The following LGSN variants were observed in gnomAD, a reference collection of about 807,000 sequenced individuals.
LGSN encodes lengsin.
In LGSN, 21 loss-of-function variants were observed where a neutral mutation model predicts 19.5. The ratio of observed to expected loss-of-function variants is 1.07; its 90% CI spans 0.76 to 1.55. LGSN has a LOEUF of 1.55. LGSN is among the 40% of genes most tolerant of loss of function. The pLI is 0.00. For missense variants in LGSN, 673 were observed against 608.5 expected, an observed-to-expected ratio of 1.11 and a Z score of -1.12; for synonymous variants, 257 against 215.6, an observed-to-expected ratio of 1.19 and a Z score of -1.68.
At chr6:63,283,860 C>T (rs1313837042) in intron 3 of LGSN, among the ~76,000 whole-genome samples, 2 of 151,914 alleles carry the variant, frequency 1.3e-5, no homozygotes, top group Non-Finnish European at 2.9e-5. Context: ...CCACCAGGCC[C>T]AGCTAATTTT....
the LGSN span, among the ~76,000 whole-genome samples, chr6:63,432,479 CAGG>C: frequency 1.1e-4 from 16 of 151,838 alleles, no homozygotes; most frequent in African/African-American, 3.9e-4. Context: ...ATCACCAGAT[CAGG>C]AGATCGAGAC....
the LGSN span, among the ~76,000 whole-genome samples, chr6:63,338,282 A>G: frequency 6.6e-6 from 1 of 152,184 alleles, no homozygotes; most frequent in Non-Finnish European, 1.5e-5. Flanking sequence ...GCACTCTAAC[A>G]TCACCACGAT....
chr6:63,499,901 T>C, the LGSN span, among the ~76,000 whole-genome samples: 1 of 151,236 alleles, frequency 6.6e-6, no homozygotes, highest in Non-Finnish European at 1.5e-5. Flanking sequence ...CAGAGACTCA[T>C]GCAACCATAT....
At chr6:63,513,340 G>A in the LGSN span, among the ~76,000 whole-genome samples, 20 of 152,148 alleles carry the variant, frequency 1.3e-4, no homozygotes, top group African/African-American at 4.8e-4. Context: ...CTTCTCAAAA[G>A]CAAAGGAGTC....
the LGSN span, among the ~76,000 whole-genome samples, chr6:63,559,454 ATG>A: frequency 6.6e-6 from 1 of 152,192 alleles, no homozygotes; most frequent in African/African-American, 2.4e-5. Context: ...GGTTTAAAAA[ATG>A]AATTTCACGG....
chr6:63,553,466 A>G, the LGSN span, among the ~76,000 whole-genome samples: 3 of 152,204 alleles, frequency 2.0e-5, no homozygotes, highest in Admixed American at 6.5e-5. Flanking sequence ...TGGGTGGCCT[A>G]AAAATAAGTT....
At position 63,279,824 on chromosome 6, in the gene LGSN, G is replaced by A; in HGVS notation, c.*197C>T. The A allele has an allele frequency of 4.0e-6, 2 of 502,112 alleles. No homozygotes were observed. The highest frequency in any genetic ancestry group is 7.0e-6 in the Non-Finnish European group (2 of 285,054). 31.1% of individuals were successfully genotyped at this position (502,112 alleles called of 1,614,324 possible). A position where few individuals can be genotyped will look rare whatever the true frequency, so the allele number is the denominator to read the frequency against. ...ATTATAGCTTCACCACAACTTTGTT[G>A]TTTGTTTCTGTTATCAGAATCTTCT... On this transcript the variant is annotated 3_prime_UTR_variant, in exon 4 of 4. Coordinates refer to ENST00000370657, the MANE Select transcript of LGSN (RefSeq NM_016571.3).
chr6:63,352,669 T>TCA, the LGSN span, among the ~76,000 whole-genome samples: 1 of 150,566 alleles, frequency 6.6e-6, no homozygotes, highest in Admixed American at 6.6e-5. Flanking sequence ...TCTCTCTCTC[T>TCA]CACACACACA....
the LGSN span, among the ~76,000 whole-genome samples, chr6:63,367,619 C>A: frequency 6.9e-6 from 1 of 145,658 alleles, no homozygotes. Context: ...ATAAATCATG[C>A]TGCTATAAAG....
chr6:63,412,729 A>C, the LGSN span, among the ~76,000 whole-genome samples: 13 of 44,354 alleles, frequency 2.9e-4, no homozygotes, highest in African/African-American at 1.9e-3. Context: ...GAAAGAAAGA[A>C]AGAAAGAAAG....
chr6:63,320,140 T>C (rs939658666), upstream of LGSN, among the ~76,000 whole-genome samples: 1 of 152,140 alleles, frequency 6.6e-6, no homozygotes, highest in African/African-American at 2.4e-5. Flanking sequence ...ATGCTGGAAA[T>C]GCACTAGAAG....
At chr6:63,344,528 A>T in the LGSN span, among the ~76,000 whole-genome samples, 1 of 152,200 alleles carries the variant, frequency 6.6e-6, no homozygotes, top group Non-Finnish European at 1.5e-5. Context: ...CTTATAGAAG[A>T]AGTGAAAAGA....
At chr6:63,561,798 A>G in the LGSN span, among the ~76,000 whole-genome samples, 2 of 152,222 alleles carry the variant, frequency 1.3e-5, no homozygotes, top group African/African-American at 2.4e-5. Context: ...TTGAAAGTAA[A>G]TTATAATCAG....
chr6:63,440,645 G>C, the LGSN span: 1 of 152,216 alleles, frequency 6.6e-6, no homozygotes, highest in Non-Finnish European at 1.5e-5. Flanking sequence ...CACCAGAGGC[G>C]ACAGAGGGCT....
rs1306637122 is a variant in LGSN at position 63,281,069 on chromosome 6, C to T, written c.482G>A (p.Trp161Ter). ...TATCACTCTTGCAGTTCTGTCAGCC[C>T]ATGGCAAAACTCTAAAGGTTGATAA... ...PELSTFRVLP[W>*]ADRTARVICD... The change falls in exon 4 of 4, where the codon TGG (tryptophan) becomes TAG (stop). Residue 161 changes from tryptophan (W) to a stop codon, truncating the protein, a stop_gained. Coordinates refer to ENST00000370657, the MANE Select transcript of LGSN (RefSeq NM_016571.3). LOFTEE classifies it low-confidence loss of function (END_TRUNC). 6.2e-7 allele frequency: 1 copy of T among 1,613,754 alleles called. No individual in the cohort carries two copies. Among genetic ancestry groups the T allele is most frequent in the Admixed American group, 1.7e-5 (1 of 59,980 alleles).
chr6:63,451,964 T>C, the LGSN span, among the ~76,000 whole-genome samples: 5 of 152,036 alleles, frequency 3.3e-5, no homozygotes, highest in Non-Finnish European at 7.4e-5. Context: ...CTGTAATAGT[T>C]TGGATTCCAT....
Position 63,280,699 on chromosome 6 carries a change from G to A in LGSN, c.852C>T (p.Thr284=), listed in dbSNP as rs34924421. ...FGISSADNAF[T]LRTGVKEVAR... ...CCACTTCTTTGACACCTGTTCTGAG[G>A]GTAAATGCATTATCAGCTGAGCTAA... is the stretch of plus-strand genomic sequence containing the variant. The change falls in exon 4 of 4, where the codon ACC becomes ACT. Residue 284 remains threonine, a synonymous_variant. Transcript: ENST00000370657. 1.9e-4 allele frequency: 311 copies of A among 1,614,054 alleles called. 2 individuals are homozygous for A. The African/African-American group carries it at 3.4e-3, about 18-fold the overall frequency.
the LGSN span, among the ~76,000 whole-genome samples, chr6:63,488,854 A>G: frequency 6.6e-6 from 1 of 152,118 alleles, no homozygotes; most frequent in Non-Finnish European, 1.5e-5. Flanking sequence ...AAAAAAAAAA[A>G]GCAAGTGAAT....
At chr6:63,312,227 T>C (rs541348169) in intron 1 of LGSN, among the ~76,000 whole-genome samples, 1 of 152,326 alleles carries the variant, frequency 6.6e-6, no homozygotes, top group East Asian at 1.9e-4. Context: ...CAATTCTATA[T>C]CTTAGCTATT....
Sources: gnomAD v4.1 joint callset for allele counts (sites outside exome capture counted in the v4.1 genomes callset) on GRCh38, gnomAD v4.1.1 for gene constraint, MANE v1.5 for transcripts, NCBI Gene and HGNC (gene_info 2026-07-23, HGNC 2026-07-21) for gene names.